The following GRIK2 variants were observed in gnomAD, a reference collection of about 807,000 sequenced individuals.
GRIK2 encodes glutamate receptor ionotropic, kainate 2.
A neutral mutation model predicts 100.3 loss-of-function variants in GRIK2; 32 were observed. The observed-to-expected ratio is 0.32, with a 90% CI of 0.24 to 0.43. The LOEUF is 0.43. GRIK2 is among the 20% of genes least tolerant of loss of function. The pLI is 1.00. For missense variants in GRIK2, 843 were observed against 1,114.9 expected (o/e 0.76, Z 3.47); for synonymous variants, 417 against 389.4 (o/e 1.07, Z -0.83).
At chr6:101,923,648 C>T (rs1337878088) in intron 12 of GRIK2, among the ~76,000 whole-genome samples, 4 of 152,034 alleles carry the variant, frequency 2.6e-5, no homozygotes, top group Non-Finnish European at 5.9e-5. Context: ...TGGCTCGGCG[C>T]GGTGGCTCAC....
intron 2 of GRIK2, among the ~76,000 whole-genome samples, chr6:101,579,586 A>G (rs1390498431): frequency 6.6e-6 from 1 of 151,600 alleles, no homozygotes. Context: ...GGCATGGTGG[A>G]TCATGCCTGT....
intron 2 of GRIK2, among the ~76,000 whole-genome samples, chr6:101,605,666 A>G (rs997849612): frequency 2.0e-5 from 3 of 152,036 alleles, no homozygotes; most frequent in Admixed American, 2.0e-4. Flanking sequence ...TGACAAGAGT[A>G]AAACTCCGTC....
intron 1 of GRIK2, among the ~76,000 whole-genome samples, chr6:101,395,800 T>A (rs1774980171): frequency 6.6e-6 from 1 of 152,168 alleles, no homozygotes; most frequent in South Asian, 2.1e-4. Flanking sequence ...GGTATACTTC[T>A]AAATACAGCT....
At chr6:101,915,851 A>G (rs902475675) in intron 12 of GRIK2, among the ~76,000 whole-genome samples, 15 of 151,482 alleles carry the variant, frequency 9.9e-5, no homozygotes, top group African/African-American at 3.1e-4. Context: ...TAAGCAATCT[A>G]TCCCGGAAGG....
At chr6:101,576,483 C>T (rs994833838) in intron 2 of GRIK2, among the ~76,000 whole-genome samples, 5 of 151,774 alleles carry the variant, frequency 3.3e-5, no homozygotes, top group African/African-American at 1.2e-4. Flanking sequence ...TCCTTTTGCC[C>T]AGAGGAAATT....
chr6:102,063,704 T>G (rs1771865863), intron 16 of GRIK2, among the ~76,000 whole-genome samples: 1 of 150,252 alleles, frequency 6.7e-6, no homozygotes, highest in Non-Finnish European at 1.5e-5. Context: ...AACATTTACC[T>G]GTGGACTATT....
At chr6:101,440,365 T>A (rs1278894804) in intron 2 of GRIK2, among the ~76,000 whole-genome samples, 1 of 152,198 alleles carries the variant, frequency 6.6e-6, no homozygotes, top group Admixed American at 6.6e-5. Context: ...ATAATTTAGC[T>A]CAGTGCATTA....
At chr6:101,890,000 A>C in intron 12 of GRIK2, 137 bp downstream of exon 12, 1 of 630,876 alleles carries the variant, frequency 1.6e-6, no homozygotes. Flanking sequence ...TGAAATTTTA[A>C]GAATCACATT....
rs75451453 is a variant in GRIK2, at chr6:101,822,356, G to T, written c.1317+3873G>T. 5.3e-5 allele frequency among the ~76,000 whole-genome samples: 8 copies of T among 151,854 alleles called. No individual in the cohort carries two copies. In the East Asian group the frequency reaches 1.5e-3, roughly 29 times the overall value. On this transcript the variant is annotated intron_variant, in intron 10 of 16. Transcript: ENST00000369134. The stretch of plus-strand genomic sequence containing the variant: ...TGTCAGGAGTGGAAGGGCAAGTCAG[G>T]TTAGGACTCACAGTAGAAGAATAGA...
chr6:101,964,437 A>G lies in GRIK2; in HGVS notation c.2085+35805A>G, dbSNP rs141295702. Among the ~76,000 whole-genome samples, 189 of 152,284 alleles carry G rather than the reference A, an allele frequency of 1.2e-3. 3 individuals are homozygous for G. In the East Asian group the frequency reaches 0.033, roughly 27 times the overall value. ...TTGGGGTTTCAGTACCAGACCTGTT[A>G]GCAACCCTGTCCTATTGGGAAATGA... On this transcript the variant is annotated intron_variant, in intron 14 of 16. Coordinates refer to ENST00000369134, the MANE Select transcript of GRIK2 (RefSeq NM_021956.5).
intron 10 of GRIK2, among the ~76,000 whole-genome samples, chr6:101,840,801 G>A (rs540268389): frequency 3.3e-5 from 5 of 152,024 alleles, no homozygotes; most frequent in Admixed American, 6.5e-5. Context: ...CAAACAAAAA[G>A]CATGAATTTA....
intron 10 of GRIK2, among the ~76,000 whole-genome samples, chr6:101,849,497 C>A (rs1783993408): frequency 6.6e-6 from 1 of 151,990 alleles, no homozygotes; most frequent in Admixed American, 6.6e-5. Flanking sequence ...CATAATTGTT[C>A]CACTATTTCT....
rs1420946948 is a variant in GRIK2, at chr6:101,669,378, C to A, written c.542-7245C>A. 2.0e-5 allele frequency among the ~76,000 whole-genome samples: 3 copies of A among 152,040 alleles called. No homozygotes were observed. The South Asian group carries it at 6.2e-4, about 31-fold the overall frequency. ...GCCTTTTTATTTCATCAAATCAAAG[C>A]GTCCATTGATTTCTTCATTTTGACC... On this transcript the variant is annotated intron_variant, in intron 4 of 16. Transcript: ENST00000369134.
chr6:101,425,842 T>C (rs761724912), intron 2 of GRIK2, among the ~76,000 whole-genome samples: 1 of 152,214 alleles, frequency 6.6e-6, no homozygotes, highest in Non-Finnish European at 1.5e-5. Flanking sequence ...AGGAGAGTTC[T>C]GTCCTGTCTT....
intron 2 of GRIK2, among the ~76,000 whole-genome samples, chr6:101,417,611 A>G (rs1245534879): frequency 6.6e-6 from 1 of 151,940 alleles, no homozygotes; most frequent in Non-Finnish European, 1.5e-5. Flanking sequence ...AATCTTAATC[A>G]CTCCACCTCC....
At chr6:101,833,391 C>T (rs1317653039) in intron 10 of GRIK2, among the ~76,000 whole-genome samples, 5 of 147,664 alleles carry the variant, frequency 3.4e-5, no homozygotes, top group African/African-American at 9.8e-5. Context: ...CCACCATGCC[C>T]GGCTAATTTT....
intron 4 of GRIK2, among the ~76,000 whole-genome samples, chr6:101,663,919 C>A (rs987633478): frequency 1.3e-5 from 2 of 152,236 alleles, no homozygotes; most frequent in East Asian, 3.9e-4. Context: ...CAGTCTGGGA[C>A]AGAGGCCTTC....
At chr6:101,605,472 TA>T (rs1316105097) in intron 2 of GRIK2, among the ~76,000 whole-genome samples, 1 of 151,944 alleles carries the variant, frequency 6.6e-6, no homozygotes, top group African/African-American at 2.4e-5. Flanking sequence ...GTATTTAAAA[TA>T]AAATAAAGCT....
At chr6:101,438,441 A>G (rs1366855224) in intron 2 of GRIK2, among the ~76,000 whole-genome samples, 8 of 152,104 alleles carry the variant, frequency 5.3e-5, no homozygotes, top group Admixed American at 5.2e-4. Flanking sequence ...GAGATTTATA[A>G]TTCTAAAAGA....
Sources: allele counts gnomAD v4.1 joint callset (sites outside exome capture counted in the v4.1 genomes callset), GRCh38; gene constraint gnomAD v4.1.1; transcripts MANE v1.5; gene names NCBI Gene and HGNC (gene_info 2026-07-23, HGNC 2026-07-21).